The following NRG1 variants were observed in gnomAD, a reference collection of about 807,000 sequenced individuals.
NRG1 encodes neuregulin 1, also known as pro-neuregulin-1, membrane-bound isoform.
In NRG1, 18 loss-of-function variants were observed where a neutral mutation model predicts 63.8. That is an observed-to-expected ratio of 0.28 (90% CI 0.19 to 0.42). The LOEUF (loss-of-function observed/expected upper bound fraction) is 0.42. Among genes scored for constraint, NRG1 ranks in the 10% least tolerant of loss-of-function variants. The probability of loss-of-function intolerance (pLI) is 1.00; values close to 1 mark genes in which losing one functional copy is unlikely to be tolerated. For synonymous variants in NRG1, 302 were observed against 301.3 expected, an observed-to-expected ratio of 1.00 and a Z score of -0.02; for missense variants, 762 against 814.7, an observed-to-expected ratio of 0.94 and a Z score of 0.79.
chr8:32,129,974 A>T (rs1025553341), intron 1 of NRG1, among the ~76,000 whole-genome samples: 4 of 151,966 alleles, frequency 2.6e-5, no homozygotes, highest in Non-Finnish European at 5.9e-5. Flanking sequence ...AAAACACTAA[A>T]TTATGATAAT....
intron 1 of NRG1, among the ~76,000 whole-genome samples, chr8:32,392,041 G>A (rs1811837756): frequency 2.0e-5 from 3 of 152,170 alleles, no homozygotes; most frequent in Admixed American, 2.0e-4. Context: ...AATGCCACAA[G>A]TTACTCTTAT....
chr8:32,034,386 A>G (rs181792275), intron 1 of NRG1, among the ~76,000 whole-genome samples: 54 of 152,278 alleles, frequency 3.5e-4, no homozygotes, highest in Non-Finnish European at 5.9e-4. Flanking sequence ...ATCAATGTTC[A>G]TCAGGGTTAT....
chr8:32,174,903 C>A (rs1840525492), intron 1 of NRG1, among the ~76,000 whole-genome samples: 2 of 152,160 alleles, frequency 1.3e-5, no homozygotes, highest in Non-Finnish European at 1.5e-5. Context: ...TACCGAGGTA[C>A]AAGGAGGAGC....
chr8:32,633,691 T>C (rs1377442147), intron 5 of NRG1, among the ~76,000 whole-genome samples: 1 of 152,172 alleles, frequency 6.6e-6, no homozygotes, highest in Non-Finnish European at 1.5e-5. Context: ...AAACTAAATC[T>C]TCCACTAGAA....
chr8:32,738,054 G>A (rs1825525994), intron 6 of NRG1, among the ~76,000 whole-genome samples: 1 of 152,196 alleles, frequency 6.6e-6, no homozygotes, highest in Admixed American at 6.5e-5. Context: ...GACATTTTGT[G>A]AGAGCCTATT....
Position 32,581,007 on chromosome 8 carries a change from A to G in NRG1, c.101-14821A>G, listed in dbSNP as rs190775970. On this transcript the variant is annotated intron_variant, in intron 1 of 11. Coordinates refer to ENST00000356819, the Ensembl canonical transcript of NRG1. ...ACAATTTTTTGTGCTCTCAGATTGT[A>G]AAGAGGAAGGATTTATTTTACAAAT... Among the ~76,000 whole-genome samples the G allele has an allele frequency of 3.9e-5, 6 of 152,288 alleles. No individual in the cohort carries two copies. In the East Asian group the frequency reaches 1.2e-3, roughly 29 times the overall value.
Position 31,974,701 on chromosome 8 carries a change from T to A in NRG1, c.37+335270T>A, listed in dbSNP as rs1161780080. On this transcript the variant is annotated intron_variant, in intron 1 of 10. Transcript: ENST00000519301. Reference sequence around the variant, plus strand: ...ACTGAATCTCCCGTGTCTTTGTCCCTCCAGATAATTTAGTGTGCACCTTAT... The same window carrying A: ...ACTGAATCTCCCGTGTCTTTGTCCCACCAGATAATTTAGTGTGCACCTTAT... 2.0e-5 allele frequency among the ~76,000 whole-genome samples: 3 copies of A among 152,326 alleles called. No individual in the cohort carries two copies. In the East Asian group the frequency reaches 5.8e-4, roughly 29 times the overall value.
chr8:32,212,326 T>C (rs1724409298), intron 1 of NRG1, among the ~76,000 whole-genome samples: 1 of 152,184 alleles, frequency 6.6e-6, no homozygotes. Context: ...AAGTTAGCTC[T>C]TATTAAATTT....
At chr8:32,464,066 T>G (rs1822730469) in intron 1 of NRG1, among the ~76,000 whole-genome samples, 1 of 151,230 alleles carries the variant, frequency 6.6e-6, no homozygotes, top group African/African-American at 2.4e-5. Context: ...CTAATTTTTT[T>G]TGTATTTTTA....
chr8:32,494,978 A>G (rs1827026341), intron 1 of NRG1, among the ~76,000 whole-genome samples: 1 of 152,262 alleles, frequency 6.6e-6, no homozygotes, highest in Non-Finnish European at 1.5e-5. Context: ...GTTGTGTAAC[A>G]AAGACAAAGA....
intron 1 of NRG1, among the ~76,000 whole-genome samples, chr8:32,145,647 G>T (rs768498929): frequency 6.6e-6 from 1 of 152,150 alleles, no homozygotes; most frequent in Non-Finnish European, 1.5e-5. Flanking sequence ...TCTAATTTTC[G>T]TAAAGTTACT....
intron 1 of NRG1, among the ~76,000 whole-genome samples, chr8:32,581,249 A>G: frequency 6.6e-6 from 1 of 152,228 alleles, no homozygotes; most frequent in East Asian, 1.9e-4. Flanking sequence ...CCAGTTATCT[A>G]CATGAATAAG....
At chr8:31,898,017 CA>C (rs34246447) in intron 1 of NRG1, among the ~76,000 whole-genome samples, 59,970 of 125,174 alleles carry the variant, frequency 0.48, 13,938 homozygotes, top group Non-Finnish European at 0.52. Context: ...AATTCTATCT[CA>C]AAAAAAAAAA....
intron 5 of NRG1, among the ~76,000 whole-genome samples, chr8:32,704,876 A>G (rs1268756879): frequency 6.6e-6 from 1 of 152,174 alleles, no homozygotes; most frequent in African/African-American, 2.4e-5. Flanking sequence ...AGTCTCATCA[A>G]TGAAATTAGT....
At chr8:32,031,752 G>C (rs747327811) in intron 1 of NRG1, among the ~76,000 whole-genome samples, 9 of 152,048 alleles carry the variant, frequency 5.9e-5, no homozygotes, top group Non-Finnish European at 1.2e-4. Flanking sequence ...GAGGATAATG[G>C]CTTCCAGCTC....
At chr8:32,463,317 G>GA (rs1347360859) in intron 1 of NRG1, among the ~76,000 whole-genome samples, 1 of 152,162 alleles carries the variant, frequency 6.6e-6, no homozygotes, top group Non-Finnish European at 1.5e-5. Flanking sequence ...ATACCCAGAA[G>GA]AGGGATTGCT....
chr8:31,822,479 G>A (rs894990737), intron 1 of NRG1, among the ~76,000 whole-genome samples: 5 of 152,104 alleles, frequency 3.3e-5, no homozygotes, highest in Non-Finnish European at 5.9e-5. Flanking sequence ...TGAGGCAAAC[G>A]GCCAAACCTG....
rs1821077496 is a variant in NRG1 at position 32,046,823 on chromosome 8, A to C, written c.37+407392A>C. ...AGCATGGGAGGTTTTGGGGGAACTG[A>C]TGGAGCTGTTCCACATCTTGATTCT... is the stretch of plus-strand genomic sequence containing the variant. On this transcript the variant is annotated intron_variant, in intron 1 of 10. Transcript: ENST00000519301. Among the ~76,000 whole-genome samples, 4 of 152,200 alleles carry C rather than the reference A, an allele frequency of 2.6e-5. No homozygotes were observed. In the South Asian group the frequency reaches 8.3e-4, roughly 32 times the overall value.
chr8:32,674,301 AT>A (rs1335859300), intron 5 of NRG1, among the ~76,000 whole-genome samples: 1 of 152,164 alleles, frequency 6.6e-6, no homozygotes, highest in African/African-American at 2.4e-5. Context: ...TGTTTAATTC[AT>A]GTAAGAAAGC....
Sources: gnomAD v4.1 joint callset for allele counts (sites outside exome capture counted in the v4.1 genomes callset) on GRCh38, gnomAD v4.1.1 for gene constraint, MANE v1.5 for transcripts, NCBI Gene and HGNC (gene_info 2026-07-23, HGNC 2026-07-21) for gene names.